LINS1: variants seen among roughly 807,000 people sequenced by gnomAD.
LINS1 encodes the protein protein Lines homolog 1.
LINS1 carries 27 observed loss-of-function variants against 41.6 expected under a neutral mutation model. That is an observed-to-expected ratio of 0.65 (90% CI 0.48 to 0.89). The LOEUF is 0.89. Ranked by LOEUF, LINS1 falls within the 40% of genes least tolerant of loss-of-function variation. The probability of loss-of-function intolerance (pLI) is 0.00; values close to 1 mark genes in which losing one functional copy is unlikely to be tolerated. For missense variants in LINS1, 955 were observed against 884.1 expected (o/e 1.08, Z -1.02); for synonymous variants, 336 against 312.9 (o/e 1.07, Z -0.78).
chr15:100,590,790 T>C (rs933597606), intron 1 of LINS1, among the ~76,000 whole-genome samples: 7 of 152,338 alleles, frequency 4.6e-5, no homozygotes, highest in South Asian at 2.1e-4. Flanking sequence ...ATCTAGCTCA[T>C]TCTTTGATCT....
chr15:100,580,220 T>C (rs980203711), intron 3 of LINS1, 43 bp downstream of exon 3: 1 of 1,412,468 alleles, frequency 7.1e-7, no homozygotes, highest in East Asian at 2.5e-5. Context: ...TTAAAAAAAA[T>C]TAAGAAAGAG....
intron 1 of LINS1, among the ~76,000 whole-genome samples, chr15:100,600,695 T>C (rs1452093570): frequency 6.6e-6 from 1 of 152,142 alleles, no homozygotes; most frequent in Non-Finnish European, 1.5e-5. Flanking sequence ...AATGGAAATT[T>C]AGAAAGTTGA....
Position 100,571,885 on chromosome 15 carries a change from T to G in LINS1, c.1394+9A>C. 1 of 1,613,866 alleles carries G rather than the reference T, an allele frequency of 6.2e-7. No individual in the cohort carries two copies. Among genetic ancestry groups the G allele is most frequent in the South Asian group, 1.1e-5 (1 of 91,070 alleles). ...AGGCCGTTCAATAATTACTTTAAAA[T>G]ACACTAACCTGGTCAGTGTTAAGTA... On this transcript the variant is annotated intron_variant, in intron 6 of 6. Coordinates refer to ENST00000314742, the MANE Select transcript of LINS1 (RefSeq NM_001040616.3).
chr15:100,578,674 G>A (rs557667273), intron 3 of LINS1, among the ~76,000 whole-genome samples: 69 of 152,178 alleles, frequency 4.5e-4, no homozygotes, highest in African/African-American at 1.6e-3. Flanking sequence ...CCCATTACTG[G>A]GTATATACCC....
rs990315716 is a variant in LINS1, at chr15:100,568,442, C to T, written c.*796G>A. On this transcript the variant is annotated 3_prime_UTR_variant, in exon 7 of 7. Transcript: ENST00000314742. Reference sequence around the variant, plus strand: ...GTCCTTGTAGGAGGGAAACTGGACACAGACACAGGAAAATGCCATGTGAGG... The same window carrying T: ...GTCCTTGTAGGAGGGAAACTGGACATAGACACAGGAAAATGCCATGTGAGG... 1 of 152,222 alleles carries T rather than the reference C, an allele frequency of 6.6e-6. No individual in the cohort carries two copies. Among genetic ancestry groups the T allele is most frequent in the Non-Finnish European group, 1.5e-5 (1 of 68,092 alleles). The allele number at this position is 152,222 out of a possible 1,614,324, so 9.4% of individuals were successfully genotyped here. A position where few individuals can be genotyped will look rare whatever the true frequency, so the allele number is the denominator to read the frequency against.
chr15:100,585,414 T>G (rs1030087098), intron 1 of LINS1, among the ~76,000 whole-genome samples: 4 of 152,240 alleles, frequency 2.6e-5, no homozygotes, highest in African/African-American at 9.6e-5. Flanking sequence ...ATCCAGGCTT[T>G]TGTGCTGCTG....
At chr15:100,593,566 G>GT (rs2039130385) in intron 1 of LINS1, among the ~76,000 whole-genome samples, 2 of 146,812 alleles carry the variant, frequency 1.4e-5, no homozygotes, top group South Asian at 2.2e-4. Context: ...TTATGGGGGG[G>GT]GGGGGTGCTT....
intron 1 of LINS1, chr15:100,586,310 G>A (rs184522768): frequency 2.0e-5 from 3 of 152,346 alleles, no homozygotes; most frequent in Non-Finnish European, 4.4e-5. Context: ...CTTGATTGAT[G>A]TCTCATGCCT....
Position 100,569,731 on chromosome 15 carries a change from G to C in LINS1, c.1781C>G (p.Ser594Cys). 6.2e-7 allele frequency: 1 copy of C among 1,613,846 alleles called. No homozygotes were observed. The highest frequency in any genetic ancestry group is 8.5e-7 in the Non-Finnish European group (1 of 1,179,838). Residue 594 changes from serine (S) to cysteine (C), a missense_variant, in exon 7 of 7, where the codon TCC becomes TGC. By Grantham distance (112) the Ser-to-Cys change is moderately radical. Coordinates refer to ENST00000314742, the MANE Select transcript of LINS1 (RefSeq NM_001040616.3). ...TTTCAGTGGTTCAGAGGGAGCATCG[G>C]AAGCCCAGGAGTGCCGAGCACACAC... is the stretch of plus-strand genomic sequence containing the variant. ...RDVCARHSWA[S>C]DAPSEPLKAV... is the part of the protein sequence containing the mutation.
chr15:100,580,217 A>T (rs745749223), intron 3 of LINS1, 46 bp downstream of exon 3: 33 of 1,407,850 alleles, frequency 2.3e-5, no homozygotes, highest in Admixed American at 2.2e-4. Context: ...AATTTAAAAA[A>T]AATTAAGAAA....
intron 1 of LINS1, among the ~76,000 whole-genome samples, chr15:100,597,266 CT>C (rs377527268): frequency 0.024 from 3,475 of 142,246 alleles, 40 homozygotes; most frequent in Non-Finnish European, 0.029. Context: ...AAAGGCAAAT[CT>C]TTTTTTTTTT....
At chr15:100,582,286 G>T (rs1219799316) in intron 1 of LINS1, among the ~76,000 whole-genome samples, 1 of 144,214 alleles carries the variant, frequency 6.9e-6, no homozygotes, top group African/African-American at 2.6e-5. Context: ...GTCTTACACT[G>T]GGTCTTCCGT....
chr15:100,597,108 G>A (rs1197398612), intron 1 of LINS1, among the ~76,000 whole-genome samples: 2 of 152,160 alleles, frequency 1.3e-5, no homozygotes, highest in African/African-American at 2.4e-5. Context: ...CCTCTTTTGA[G>A]TGTGCACTTG....
Position 100,569,770 on chromosome 15 carries a change from T to G in LINS1, c.1742A>C (p.His581Pro). ...CCGAGCACACACATCTCTGTGACTATGAGGAGCAGTCAAACGATGGGGTAT... is the reference window on the plus strand; with the variant it reads ...CCGAGCACACACATCTCTGTGACTAGGAGGAGCAGTCAAACGATGGGGTAT... ...QTIPHRLTAPHSHRDVCARHS... is the reference protein window; with the variant it reads ...QTIPHRLTAPPSHRDVCARHS... The change falls in exon 7 of 7, where the codon CAT becomes CCT. Residue 581 changes from histidine (H) to proline (P), a missense_variant. Transcript: ENST00000314742. 6.2e-7 allele frequency: 1 copy of G among 1,613,918 alleles called. No individual in the cohort carries two copies. Among genetic ancestry groups the G allele is most frequent in the South Asian group, 1.1e-5 (1 of 91,012 alleles).
intron 1 of LINS1, among the ~76,000 whole-genome samples, chr15:100,598,562 A>G (rs1402574972): frequency 3.9e-5 from 6 of 152,216 alleles, no homozygotes; most frequent in Non-Finnish European, 7.3e-5. Flanking sequence ...GTGGTAGAAT[A>G]CCATAGAAGA....
intron 1 of LINS1, among the ~76,000 whole-genome samples, chr15:100,595,650 T>C (rs747783345): frequency 2.0e-5 from 3 of 152,204 alleles, no homozygotes; most frequent in East Asian, 1.9e-4. Context: ...AATACAAAAA[T>C]AATCTATTTT....
chr15:100,578,777 A>G (rs2038346772), intron 3 of LINS1, among the ~76,000 whole-genome samples: 1 of 152,152 alleles, frequency 6.6e-6, no homozygotes, highest in Non-Finnish European at 1.5e-5. Context: ...AACCAACCCA[A>G]ATGTCCAACA....
chr15:100,600,708 T>A (rs2039453351), intron 1 of LINS1, among the ~76,000 whole-genome samples: 1 of 152,170 alleles, frequency 6.6e-6, no homozygotes, highest in Non-Finnish European at 1.5e-5. Flanking sequence ...AAAGTTGAAA[T>A]TATGAAATAT....
intron 1 of LINS1, among the ~76,000 whole-genome samples, chr15:100,596,626 A>T (rs563822308): frequency 5.1e-4 from 78 of 152,366 alleles, no homozygotes; most frequent in African/African-American, 1.7e-3. Context: ...TTTAATAAAA[A>T]GCAGCCCCCA....
Sources: allele counts gnomAD v4.1 joint callset (sites outside exome capture counted in the v4.1 genomes callset), GRCh38; gene constraint gnomAD v4.1.1; transcripts MANE v1.5; gene names NCBI Gene and HGNC (gene_info 2026-07-23, HGNC 2026-07-21).